The following ELMOD3 variants were observed in gnomAD, a reference collection of about 807,000 sequenced individuals.
ELMOD3 encodes the protein ELMO domain containing 3, also known as ELMO domain-containing protein 3.
In ELMOD3, 36 loss-of-function variants were observed where a neutral mutation model predicts 47.4. The observed-to-expected ratio is 0.76, with a 90% CI of 0.58 to 1.00. The LOEUF (loss-of-function observed/expected upper bound fraction) is 1.00, where lower values mean the gene tolerates loss of function less well. ELMOD3 is among the 50% of genes least tolerant of loss of function. The pLI is 0.00. For missense variants in ELMOD3, 404 were observed against 463.8 expected (o/e 0.87, Z 1.18); for synonymous variants, 149 against 183.5 (o/e 0.81, Z 1.52).
At chr2:85,377,237 A>G in intron 10 of ELMOD3, 107 bp from the exon 11 acceptor site, 1 of 1,056,282 alleles carries the variant, frequency 9.5e-7, no homozygotes, top group Non-Finnish European at 1.3e-6. Context: ...TGTGCTGCTC[A>G]TGCTCCGCTA....
chr2:85,371,019 C>T, intron 8 of ELMOD3, 67 bp from the exon 9 acceptor site: 1 of 1,564,154 alleles, frequency 6.4e-7, no homozygotes, highest in Non-Finnish European at 8.7e-7. Context: ...CTGGTCTGAG[C>T]CTGATGGGAA....
rs878880559 is a variant in ELMOD3 at position 85,361,997 on chromosome 2, C to G, written c.55-189C>G. 1.4e-4 allele frequency among the ~76,000 whole-genome samples: 21 copies of G among 151,544 alleles called. No homozygotes were observed. In the South Asian group the frequency reaches 4.4e-3, roughly 32 times the overall value. ...GATCAGGAAAAATAACTAGTGGGTA[C>G]TAGGTCAAATACCTGGCTGATGAAA... is the stretch of plus-strand genomic sequence containing the variant. On this transcript the variant is annotated intron_variant, in intron 4 of 13. Coordinates refer to ENST00000409013, the MANE Select transcript of ELMOD3 (RefSeq NM_001135022.2).
chr2:85,388,833 A>C (rs1012662897), intron 11 of ELMOD3, among the ~76,000 whole-genome samples: 3 of 152,248 alleles, frequency 2.0e-5, no homozygotes, highest in African/African-American at 7.2e-5. Flanking sequence ...TGGGCAGTAC[A>C]GTTCTATACT....
rs752787514 is a variant in ELMOD3 at position 85,377,404 on chromosome 2, A to G, written c.668A>G (p.Tyr223Cys). 8 of 1,611,548 alleles carry G rather than the reference A, an allele frequency of 5.0e-6. No homozygotes were observed. Among genetic ancestry groups the G allele is most frequent in the Non-Finnish European group, 6.8e-6 (8 of 1,178,802 alleles). The change falls in exon 11 of 14, where the codon TAC becomes TGC. Residue 223 changes from tyrosine to cysteine, a missense_variant. By Grantham distance (194) the Tyr-to-Cys change is radical (BLOSUM62 -2). Transcript: ENST00000409013. ...AGFLALLHLLYLVMDSKTLPM... is the reference protein window; with the variant it reads ...AGFLALLHLLCLVMDSKTLPM... ...TTCCTTGCCCTCCTGCATCTGCTCT[A>G]CCTGGTGATGGACTCAAAGACCTTG...
chr2:85,364,825 A>ATATATATATATATATATTTTTTTTTTT (rs375582916), intron 6 of ELMOD3, among the ~76,000 whole-genome samples: 1 of 69,894 alleles, frequency 1.4e-5, no homozygotes, highest in African/African-American at 6.7e-5. Context: ...ATATATATAT[A>ATATATATATATATATATTTTTTTTTTT]TTTTTTTTTT....
intron 4 of ELMOD3, among the ~76,000 whole-genome samples, chr2:85,360,126 C>T (rs1254854667): frequency 6.6e-6 from 1 of 151,868 alleles, no homozygotes; most frequent in Non-Finnish European, 1.5e-5. Flanking sequence ...ATTAGCAGGG[C>T]GTGGTGGCGC....
chr2:85,362,258 C>T lies in ELMOD3; in HGVS notation c.127C>T (p.Pro43Ser). 1.9e-6 allele frequency: 3 copies of T among 1,568,480 alleles called. No homozygotes were observed. Among genetic ancestry groups the T allele is most frequent in the Non-Finnish European group, 2.6e-6 (3 of 1,138,480 alleles). ...GAGTGTTCTGGCTTTCAGAGGAATCCCTGTATGTATCACCCACAACTTGGT... is the reference window on the plus strand; with the variant it reads ...GAGTGTTCTGGCTTTCAGAGGAATCTCTGTATGTATCACCCACAACTTGGT... The part of the protein sequence containing the change: ...DKSVLAFRGI[P>S]ISELKNHGIL... Residue 43 changes from proline to serine, a missense_variant and splice_region_variant, in exon 5 of 14, where the codon CCT (proline) becomes TCT (serine). Transcript: ENST00000409013.
At chr2:85,366,719 C>T (rs1302499761) in intron 6 of ELMOD3, among the ~76,000 whole-genome samples, 1 of 152,226 alleles carries the variant, frequency 6.6e-6, no homozygotes. Flanking sequence ...TCCTCTACTG[C>T]TTCCCAGCCG....
Position 85,357,124 on chromosome 2 carries a change from C to A in ELMOD3, c.-75C>A. ...ACTGGATCTCTGGCTCTCCACATAG[C>A]TTCTGATCTCAGACCTTACTAAAAT... On this transcript the variant is annotated 5_prime_UTR_variant, in exon 4 of 14. Transcript: ENST00000409013. 1 of 1,022,876 alleles carries A rather than the reference C, an allele frequency of 9.8e-7. No homozygotes were observed. Among genetic ancestry groups the A allele is most frequent in the Non-Finnish European group, 1.5e-6 (1 of 672,846 alleles). The allele number at this position is 1,022,876 out of a possible 1,614,324, so 63.4% of individuals were successfully genotyped here. A position where few individuals can be genotyped will look rare whatever the true frequency, so the allele number is the denominator to read the frequency against.
At position 85,391,055 on chromosome 2, in the gene ELMOD3, T is replaced by C. The variant is rs539673131; in HGVS notation, c.*93T>C. ...CAGGAGCCTGGCCAGGCCGCACCCC[T>C]TGCTGTCTCAGCAGATGGGATATAG... On this transcript the variant is annotated 3_prime_UTR_variant, in exon 14 of 14. Transcript: ENST00000409013. The C allele has an allele frequency of 2.5e-5, 32 of 1,266,616 alleles. No homozygotes were observed. In the South Asian group the frequency reaches 4.2e-4, roughly 17 times the overall value. The allele number at this position is 1,266,616 out of a possible 1,614,324, so 78.5% of individuals were successfully genotyped here. A position where few individuals can be genotyped will look rare whatever the true frequency, so the allele number is the denominator to read the frequency against.
chr2:85,391,121 C>T lies in ELMOD3; in HGVS notation c.*159C>T. 1.5e-6 allele frequency: 1 copy of T among 687,300 alleles called. No individual in the cohort carries two copies. The highest frequency in any genetic ancestry group is 2.5e-6 in the Non-Finnish European group (1 of 407,750). The allele number at this position is 687,300 out of a possible 1,614,324, so 42.6% of individuals were successfully genotyped here. A position where few individuals can be genotyped will look rare whatever the true frequency, so the allele number is the denominator to read the frequency against. On this transcript the variant is annotated 3_prime_UTR_variant, in exon 14 of 14. Transcript: ENST00000409013. ...AGCTGTGGGAAGCCAAGTACCCTCA[C>T]CGGCATGGGACATGAGGGGCAGCTA...
intron 11 of ELMOD3, among the ~76,000 whole-genome samples, chr2:85,382,980 G>A (rs1383895918): frequency 4.4e-4 from 63 of 144,170 alleles, no homozygotes; most frequent in Admixed American, 2.7e-3. Flanking sequence ...TTCCCTGTTA[G>A]AAGTGAGCTC....
At position 85,390,067 on chromosome 2, in the gene ELMOD3, G is replaced by A. The variant is rs537958044; in HGVS notation, c.816-71G>A. On this transcript the variant is annotated intron_variant, in intron 12 of 13. Coordinates refer to ENST00000409013, the MANE Select transcript of ELMOD3 (RefSeq NM_001135022.2). ...TGGCTCCCCTGGGGAAATGGGGAAG[G>A]AAGGCGGGAGGGAACCTAGGTCTCA... 1.5e-5 allele frequency: 22 copies of A among 1,470,282 alleles called. No individual in the cohort carries two copies. The East Asian group carries it at 4.5e-4, about 30-fold the overall frequency. The allele number at this position is 1,470,282 out of a possible 1,614,324, so 91.1% of individuals were successfully genotyped here.
rs763563707 is a variant in ELMOD3 at position 85,368,705 on chromosome 2, C to CTTCTTGGGCTCTG, written c.219_220insTTCTTGGGCTCTG (p.Arg74PhefsTer25). ...TTGCAGTTGTGAGTACAGAGGTGGT[C>CTTCTTGGGCTCTG]AGAGCCCAAGAAGAATGGGAAGCTG... On this transcript the variant is annotated frameshift_variant, in exon 7 of 14. Coordinates refer to ENST00000409013, the MANE Select transcript of ELMOD3 (RefSeq NM_001135022.2). LOFTEE classifies it high-confidence loss of function. The CTTCTTGGGCTCTG allele has an allele frequency of 5.6e-6, 9 of 1,614,070 alleles. No individual in the cohort carries two copies. In the Admixed American group the frequency reaches 8.3e-5, roughly 15 times the overall value.
At chr2:85,374,052 CT>C (rs1684995205) in intron 10 of ELMOD3, among the ~76,000 whole-genome samples, 1 of 150,880 alleles carries the variant, frequency 6.6e-6, no homozygotes, top group African/African-American at 2.4e-5. Context: ...TCTGAATTCT[CT>C]GGATATAAAA....
chr2:85,369,717 C>T (rs970675198), intron 7 of ELMOD3, 22 bp from the exon 8 acceptor site: 3 of 1,611,248 alleles, frequency 1.9e-6, no homozygotes, highest in African/African-American at 1.3e-5. Context: ...TAAATCCTGG[C>T]ATGTCTTCCG....
intron 10 of ELMOD3, among the ~76,000 whole-genome samples, 178 bp from the exon 11 acceptor site, chr2:85,377,166 G>A (rs1233551262): frequency 6.6e-6 from 1 of 152,228 alleles, no homozygotes; most frequent in African/African-American, 2.4e-5. Context: ...GTCCCCATTT[G>A]GTGCATAGCC....
intron 3 of ELMOD3, 177 bp downstream of exon 3, chr2:85,355,775 A>C (rs1683504467): frequency 6.6e-6 from 1 of 152,352 alleles, no homozygotes; most frequent in Non-Finnish European, 1.5e-5. Flanking sequence ...AAGGGGAGGC[A>C]GATGTTGAGG....
intron 4 of ELMOD3, among the ~76,000 whole-genome samples, chr2:85,360,286 A>ATT (rs1683860502): frequency 1.3e-5 from 2 of 149,848 alleles, no homozygotes; most frequent in Non-Finnish European, 3.0e-5. Flanking sequence ...AAAAAAAAAA[A>ATT]GCCACCATTT....
Sources: gnomAD v4.1 joint callset for allele counts (sites outside exome capture counted in the v4.1 genomes callset) on GRCh38, gnomAD v4.1.1 for gene constraint, MANE v1.5 for transcripts, NCBI Gene and HGNC (gene_info 2026-07-23, HGNC 2026-07-21) for gene names.